The following PIEZO2 variants were observed in gnomAD, a reference collection of about 807,000 sequenced individuals.
PIEZO2 encodes piezo-type mechanosensitive ion channel component 2.
Under a neutral mutation model 337.3 loss-of-function variants are expected in PIEZO2, and 172 were observed. The observed-to-expected ratio is 0.51, with a 90% confidence interval of 0.45 to 0.58. The LOEUF (loss-of-function observed/expected upper bound fraction) is 0.58. PIEZO2 is among the 20% of genes least tolerant of loss of function. PIEZO2 has a pLI of 0.00. For missense variants in PIEZO2, 3,028 were observed against 3,391.3 expected, an observed-to-expected ratio of 0.89 and a Z score of 2.66; for synonymous variants, 1,251 against 1,228.5, an observed-to-expected ratio of 1.02 and a Z score of -0.38.
chr18:10,901,915 C>CA lies in PIEZO2; in HGVS notation c.329+9270dup, dbSNP rs1031085814. ...TGTCTCAGTGTCAACATATGCAAAA[C>CA]AAAAAAAAAAAAAGGAGAGGCTCTC... is the stretch of plus-strand genomic sequence containing the variant. On this transcript the variant is annotated intron_variant, in intron 4 of 55. Coordinates refer to ENST00000674853, the MANE Select transcript of PIEZO2 (RefSeq NM_001378183.1). Among the ~76,000 whole-genome samples, 1,133 of 128,554 alleles carry CA rather than the reference C, an allele frequency of 8.8e-3. 11 individuals carry two copies. The highest frequency in any genetic ancestry group is 0.025 in the African/African-American group (863 of 35,038). The allele number at this position is 128,554 out of a possible 152,430, so 84.3% of individuals were successfully genotyped here.
chr18:10,887,361 T>G (rs264215), intron 4 of PIEZO2, among the ~76,000 whole-genome samples: 111,860 of 151,668 alleles, frequency 0.74, 41,885 homozygotes, highest in African/African-American at 0.88. Context: ...GAGCCACCGC[T>G]CCTGGCCGAC....
In PIEZO2 at chr18:10,680,059, G is replaced by T. The variant is rs2034194565; in HGVS notation, c.7952+140C>A. On this transcript the variant is annotated intron_variant, in intron 52 of 55. Transcript: ENST00000674853. ...ATGTTAGCTTTGGCATTGAAGGTAAGTTCCCAAGGCTATAATGATAAAGTA... is the reference window on the plus strand; with the variant it reads ...ATGTTAGCTTTGGCATTGAAGGTAATTTCCCAAGGCTATAATGATAAAGTA... 1.7e-5 allele frequency: 11 copies of T among 630,632 alleles called. No homozygotes were observed. In the South Asian group the frequency reaches 3.6e-4, roughly 21 times the overall value. The allele number at this position is 630,632 out of a possible 1,614,324, so 39.1% of individuals were successfully genotyped here. A position where few individuals can be genotyped will look rare whatever the true frequency, so the allele number is the denominator to read the frequency against.
At chr18:10,740,832 C>T in intron 33 of PIEZO2, 199 bp downstream of exon 33, 2 of 700,792 alleles carry the variant, frequency 2.9e-6, no homozygotes, top group South Asian at 3.0e-5. Context: ...GTCAGAACGT[C>T]TGTGCTGATG....
At position 10,742,504 on chromosome 18, in the gene PIEZO2, C is replaced by T. The variant is rs780880627; in HGVS notation, c.4626G>A (p.Glu1542=). 5 of 1,537,152 alleles carry T rather than the reference C, an allele frequency of 3.3e-6. No homozygotes were observed. Among genetic ancestry groups the T allele is most frequent in the Non-Finnish European group, 1.7e-6 (2 of 1,146,888 alleles). ...AATGTCTTGACATACTTTCATCATCCTCTTCAGAGAGTTTTTGCATGTCCT... is the reference window on the plus strand; with the variant it reads ...AATGTCTTGACATACTTTCATCATCTTCTTCAGAGAGTTTTTGCATGTCCT... The part of the protein sequence containing the change: ...EGQDMQKLSE[E]DDEREADKQK... The change falls in exon 32 of 56, where the codon GAG becomes GAA. Residue 1542 remains glutamate (E), a synonymous_variant. Transcript: ENST00000674853.
chr18:10,928,485 AG>A (rs1352136424), intron 3 of PIEZO2, among the ~76,000 whole-genome samples: 1 of 152,194 alleles, frequency 6.6e-6, no homozygotes, highest in Admixed American at 6.5e-5. Flanking sequence ...TTTTGAGGGG[AG>A]GGAGCCAGAG....
At chr18:11,024,485 G>A (rs1299199813) in intron 2 of PIEZO2, among the ~76,000 whole-genome samples, 1 of 147,634 alleles carries the variant, frequency 6.8e-6, no homozygotes, top group Admixed American at 6.7e-5. Context: ...GGCGGAGCTT[G>A]CAGTGAGCCG....
In PIEZO2 at chr18:11,143,625, ACACACACACACACACTCT is replaced by A. The variant is rs1314093747; in HGVS notation, c.64+4882_64+4899del. Among the ~76,000 whole-genome samples the A allele has an allele frequency of 5.8e-3, 818 of 140,890 alleles. 7 individuals are homozygous for A. The highest frequency in any genetic ancestry group is 0.021 in the African/African-American group (748 of 35,766). 92.4% of individuals were successfully genotyped at this position (140,890 alleles called of 152,430 possible). On this transcript the variant is annotated intron_variant, in intron 1 of 55. Coordinates refer to ENST00000674853, the MANE Select transcript of PIEZO2 (RefSeq NM_001378183.1). The surrounding 1 kb of genome is among the most constrained non-coding windows in gnomAD (Gnocchi z 4.9). ...AACACACACACACACACACACACAC[ACACACACACACACACTCT>A]CTCTCTCTCTCTCTCTCTCTCTCTC...
Position 10,886,117 on chromosome 18 carries a change from A to G in PIEZO2, c.330-14702T>C, listed in dbSNP as rs549642246. ...CACACACACACACAAAGTGTGGTGA[A>G]CCAAGCAAGTGGAAGCTCAGTCCAT... On this transcript the variant is annotated intron_variant, in intron 4 of 55. Transcript: ENST00000674853. Among the ~76,000 whole-genome samples, 78 of 151,090 alleles carry G rather than the reference A, an allele frequency of 5.2e-4. 1 individual carries two copies. The highest frequency in any genetic ancestry group is 1.0e-3 in the Non-Finnish European group (69 of 67,866).
intron 1 of PIEZO2, among the ~76,000 whole-genome samples, chr18:11,115,278 C>T (rs1468852249): frequency 6.6e-6 from 1 of 152,130 alleles, no homozygotes; most frequent in East Asian, 1.9e-4. Context: ...GAGTTTTATA[C>T]ACAGTTGTTA....
At position 11,143,093 on chromosome 18, in the gene PIEZO2, A is replaced by T. The variant is rs1254416346; in HGVS notation, c.64+5432T>A. Reference sequence around the variant, plus strand: ...GACTCCGTCTCAAAAAAAAGAAAAAAGAAAAAGAAAAAGTTTTCCAATATT... The same window carrying T: ...GACTCCGTCTCAAAAAAAAGAAAAATGAAAAAGAAAAAGTTTTCCAATATT... On this transcript the variant is annotated intron_variant, in intron 1 of 55. Coordinates refer to ENST00000674853, the MANE Select transcript of PIEZO2 (RefSeq NM_001378183.1). The surrounding 1 kb of genome is among the most constrained non-coding windows in gnomAD (Gnocchi z 4.9). Among the ~76,000 whole-genome samples the T allele has an allele frequency of 1.3e-5, 2 of 152,200 alleles. No homozygotes were observed. Among genetic ancestry groups the T allele is most frequent in the Non-Finnish European group, 2.9e-5 (2 of 68,030 alleles).
rs984714303 is a variant in PIEZO2, at chr18:10,672,507, T to A, written c.8345+183A>T. 1.3e-5 allele frequency among the ~76,000 whole-genome samples: 2 copies of A among 152,150 alleles called. No individual in the cohort carries two copies. Among genetic ancestry groups the A allele is most frequent in the Non-Finnish European group, 2.9e-5 (2 of 68,022 alleles). ...GGGCTGTGTGAGTCACACTGGGAGT[T>A]TTGATCTCTTTGGGACTCTGGTGCC... On this transcript the variant is annotated intron_variant, in intron 55 of 55. Coordinates refer to ENST00000674853, the MANE Select transcript of PIEZO2 (RefSeq NM_001378183.1). The surrounding 1 kb of genome is among the most constrained non-coding windows in gnomAD (Gnocchi z 4.7).
At chr18:10,963,222 T>G (rs1483947439) in intron 3 of PIEZO2, among the ~76,000 whole-genome samples, 1 of 151,814 alleles carries the variant, frequency 6.6e-6, no homozygotes, top group Non-Finnish European at 1.5e-5. Context: ...GAGGTGGAGG[T>G]TGCAGTGAGC....
At position 10,748,643 on chromosome 18, in the gene PIEZO2, T is replaced by C. The variant is rs1340787527; in HGVS notation, c.4265-13A>G. 4 of 1,424,026 alleles carry C rather than the reference T, an allele frequency of 2.8e-6. No individual in the cohort carries two copies. Among genetic ancestry groups the C allele is most frequent in the Non-Finnish European group, 3.7e-6 (4 of 1,094,742 alleles). The allele number at this position is 1,424,026 out of a possible 1,614,324, so 88.2% of individuals were successfully genotyped here. On this transcript the variant is annotated splice_polypyrimidine_tract_variant and intron_variant, in intron 29 of 55. Coordinates refer to ENST00000674853, the MANE Select transcript of PIEZO2 (RefSeq NM_001378183.1). The surrounding 1 kb of genome is among the most constrained non-coding windows in gnomAD (Gnocchi z 5.1). The stretch of plus-strand genomic sequence containing the variant: ...GAATTAGCAGCAGCTATAGTAACAG[T>C]AGAAAAACACACATTAAAATTAACA...
intron 33 of PIEZO2, chr18:10,739,704 C>T (rs780883600): frequency 6.6e-5 from 10 of 152,112 alleles, no homozygotes; most frequent in South Asian, 2.1e-4. Flanking sequence ...CACTGGACTC[C>T]GACTGGAATC....
intron 49 of PIEZO2, among the ~76,000 whole-genome samples, chr18:10,683,193 C>A (rs945449228): frequency 5.3e-5 from 8 of 152,272 alleles, no homozygotes; most frequent in African/African-American, 9.6e-5. Context: ...TTCATTTCAG[C>A]AGATTAAAGT....
intron 21 of PIEZO2, among the ~76,000 whole-genome samples, chr18:10,764,592 A>AG (rs2038277366): frequency 6.6e-6 from 1 of 151,458 alleles, no homozygotes; most frequent in Non-Finnish European, 1.5e-5. Context: ...TACGTCTCAA[A>AG]AAAAAAAAAA....
At position 10,992,804 on chromosome 18, in the gene PIEZO2, A is replaced by G. The variant is rs142804817; in HGVS notation, c.161-13144T>C. ...GCTTGATGGGGATAGCATTGAATCT[A>G]TAAATTACTTTGGGCAGTATGGACA... On this transcript the variant is annotated intron_variant, in intron 2 of 55. Transcript: ENST00000674853. Among the ~76,000 whole-genome samples the G allele has an allele frequency of 4.9e-3, 749 of 152,278 alleles. 6 individuals carry two copies. Among genetic ancestry groups the G allele is most frequent in the African/African-American group, 0.015 (641 of 41,548 alleles).
At chr18:11,034,172 G>T (rs2145776088) in intron 2 of PIEZO2, among the ~76,000 whole-genome samples, 1 of 151,212 alleles carries the variant, frequency 6.6e-6, no homozygotes, top group Non-Finnish European at 1.5e-5. Flanking sequence ...CTCCAAAATA[G>T]TTCAGTCAGA....
At chr18:10,806,263 G>A (rs2144320565) in intron 8 of PIEZO2, among the ~76,000 whole-genome samples, 1 of 152,222 alleles carries the variant, frequency 6.6e-6, no homozygotes, top group African/African-American at 2.4e-5. Flanking sequence ...TTCCCCGCAG[G>A]TGGGGCCTGA....
Sources: allele counts gnomAD v4.1 joint callset (sites outside exome capture counted in the v4.1 genomes callset), GRCh38; gene constraint gnomAD v4.1.1; non-coding constraint Gnocchi (gnomAD v3.1); transcripts MANE v1.5; gene names NCBI Gene and HGNC (gene_info 2026-07-23, HGNC 2026-07-21).